The following MITF variants were observed in gnomAD, a reference collection of about 807,000 sequenced individuals.
MITF encodes melanocyte inducing transcription factor, also known as microphthalmia-associated transcription factor.
MITF carries 17 observed loss-of-function variants against 60.5 expected under a neutral mutation model. The observed-to-expected ratio is 0.28, with a 90% CI of 0.19 to 0.42. MITF has a LOEUF of 0.42. MITF is among the 10% of genes least tolerant of loss of function. The pLI, the probability that MITF is intolerant of heterozygous loss-of-function variation, is 1.00. For synonymous variants in MITF, 260 were observed against 248.5 expected, an observed-to-expected ratio of 1.05 and a Z score of -0.43; for missense variants, 622 against 683.5, an observed-to-expected ratio of 0.91 and a Z score of 1.00.
chr3:69,867,688 A>G (rs2064142839), intron 1 of MITF, among the ~76,000 whole-genome samples: 1 of 150,540 alleles, frequency 6.6e-6, no homozygotes, highest in South Asian at 2.1e-4. Flanking sequence ...CTACAAAAAT[A>G]TACTCTAACT....
At chr3:69,934,571 A>G (rs919800023) in intron 2 of MITF, among the ~76,000 whole-genome samples, 3 of 152,182 alleles carry the variant, frequency 2.0e-5, no homozygotes, top group African/African-American at 7.2e-5. Context: ...TTCCCATTCA[A>G]TATGCTAGGA....
intron 1 of MITF, among the ~76,000 whole-genome samples, chr3:69,831,565 C>G (rs2107099589): frequency 6.6e-6 from 1 of 152,272 alleles, no homozygotes; most frequent in Admixed American, 6.5e-5. Flanking sequence ...GATTTCACAA[C>G]AATCTTGATT....
At chr3:69,815,679 A>T (rs557760038) in intron 1 of MITF, among the ~76,000 whole-genome samples, 1 of 152,182 alleles carries the variant, frequency 6.6e-6, no homozygotes, top group African/African-American at 2.4e-5. Context: ...GAGAGTCAAA[A>T]GTTATATGTG....
At chr3:69,849,549 T>C (rs959301308) in intron 1 of MITF, among the ~76,000 whole-genome samples, 6 of 152,366 alleles carry the variant, frequency 3.9e-5, no homozygotes, top group Middle Eastern at 6.8e-3. Flanking sequence ...ACTGTTCTTA[T>C]GCTCATTTTG....
At chr3:69,819,277 C>G (rs971924504) in intron 1 of MITF, among the ~76,000 whole-genome samples, 1 of 152,176 alleles carries the variant, frequency 6.6e-6, no homozygotes, top group Non-Finnish European at 1.5e-5. Flanking sequence ...GCCCCTCTTT[C>G]CAAAGACAGG....
chr3:69,812,385 A>G (rs1447321599), intron 1 of MITF, among the ~76,000 whole-genome samples: 4 of 152,186 alleles, frequency 2.6e-5, no homozygotes, highest in Admixed American at 2.6e-4. Context: ...CCCCTCAGAC[A>G]TTTAGACAAT....
chr3:69,818,026 C>T (rs1242801939), intron 1 of MITF, among the ~76,000 whole-genome samples: 3 of 152,086 alleles, frequency 2.0e-5, no homozygotes, highest in Non-Finnish European at 2.9e-5. Flanking sequence ...ATGGTTTTAT[C>T]AGCGATAAAC....
At chr3:69,932,018 G>C (rs2065735448) in intron 2 of MITF, among the ~76,000 whole-genome samples, 1 of 152,206 alleles carries the variant, frequency 6.6e-6, no homozygotes, top group African/African-American at 2.4e-5. Flanking sequence ...TAAGACAGTA[G>C]TTGGAAAAAC....
chr3:69,952,142 TTCTC>T (rs747463065), intron 7 of MITF, among the ~76,000 whole-genome samples: 1 of 150,882 alleles, frequency 6.6e-6, no homozygotes. Context: ...AGTAGTGGTT[TTCTC>T]TCTCTCTCTC....
intron 2 of MITF, among the ~76,000 whole-genome samples, chr3:69,920,456 C>T (rs959478148): frequency 5.3e-5 from 8 of 152,082 alleles, no homozygotes; most frequent in Non-Finnish European, 8.8e-5. Flanking sequence ...ACTCCTAGTC[C>T]GCCTTCATGT....
At chr3:69,837,004 C>T (rs530135761) in intron 1 of MITF, among the ~76,000 whole-genome samples, 2 of 152,276 alleles carry the variant, frequency 1.3e-5, no homozygotes, top group East Asian at 1.9e-4. Context: ...CATTGACGTC[C>T]CCAATGTGGA....
Position 69,937,921 on chromosome 3 carries a change from G to A in MITF, c.454G>A (p.Ala152Thr), listed in dbSNP as rs2107479094. The change falls in exon 3 of 10, where the codon GCC (alanine) becomes ACC (threonine). Residue 152 changes from alanine (A) to threonine (T), a missense_variant. Transcript: ENST00000352241. The stretch of plus-strand genomic sequence containing the variant: ...TTCTACCACTTTAGCAAATAAACAT[G>A]CCAACCAAGTCCTGAGCTTGCCATG... Reference protein sequence around the residue: ...YLSTTLANKHANQVLSLPCPN... With the variant: ...YLSTTLANKHTNQVLSLPCPN... The A allele has an allele frequency of 6.2e-7, 1 of 1,614,118 alleles. No homozygotes were observed.
chr3:69,755,751 C>G (rs1156270461), intron 1 of MITF, among the ~76,000 whole-genome samples: 1 of 152,116 alleles, frequency 6.6e-6, no homozygotes, highest in Non-Finnish European at 1.5e-5. Flanking sequence ...CATTGACTAA[C>G]TTGGACAACT....
intron 2 of MITF, among the ~76,000 whole-genome samples, chr3:69,901,140 C>T (rs1349207252): frequency 6.6e-6 from 1 of 150,474 alleles, no homozygotes; most frequent in Non-Finnish European, 1.5e-5. Flanking sequence ...AAGCAGTACA[C>T]TCCTAGACCA....
intron 1 of MITF, among the ~76,000 whole-genome samples, chr3:69,828,693 C>G (rs1170092991): frequency 6.6e-6 from 1 of 151,802 alleles, no homozygotes; most frequent in African/African-American, 2.4e-5. Flanking sequence ...AATGTACAAC[C>G]TGTTATAAAA....
intron 2 of MITF, among the ~76,000 whole-genome samples, chr3:69,906,443 G>C (rs2065101636): frequency 6.6e-6 from 1 of 152,046 alleles, no homozygotes; most frequent in African/African-American, 2.4e-5. Context: ...AAATAGTTGT[G>C]TATATGATGT....
rs886058810 is a variant in MITF, at chr3:69,965,653, G to GA, written c.*416dup. On this transcript the variant is annotated 3_prime_UTR_variant, in exon 10 of 10. Transcript: ENST00000352241. ...TGAAAGAATGTAAAGCAACCAAAAA[G>GA]AAAAAAAAAAAGAAAGAAAGAGGAA... 0.02 allele frequency: 3,648 copies of GA among 184,122 alleles called. No individual in the cohort carries two copies. The highest frequency in any genetic ancestry group is 0.032 in the East Asian group (358 of 11,054). The allele number at this position is 184,122 out of a possible 1,614,324, so 11.4% of individuals were successfully genotyped here. A position where few individuals can be genotyped will look rare whatever the true frequency, so the allele number is the denominator to read the frequency against.
In MITF at chr3:69,938,024, C is replaced by G. The variant is rs925747808; in HGVS notation, c.557C>G (p.Thr186Arg). ...SAPNSPMAMLTLNSNCEKEGF... is the reference protein window; with the variant it reads ...SAPNSPMAMLRLNSNCEKEGF... The stretch of plus-strand genomic sequence containing the variant: ...CCCAACAGCCCCATGGCTATGCTTA[C>G]GCTTAACTCCAACTGTGAAAAAGAG... The change falls in exon 3 of 10, where the codon ACG becomes AGG. Residue 186 changes from threonine to arginine, a missense_variant. Around this residue, in one of 5 missense-constraint regions of MITF, gnomAD observed 215 missense variants for 224.8 expected, o/e 0.96. Transcript: ENST00000352241. The G allele has an allele frequency of 6.2e-7, 1 of 1,614,182 alleles. No individual in the cohort carries two copies.
chr3:69,961,973 T>A (rs544044901), intron 9 of MITF, among the ~76,000 whole-genome samples: 2 of 152,190 alleles, frequency 1.3e-5, no homozygotes, highest in African/African-American at 4.8e-5. Context: ...CAGAAAACAT[T>A]ATTAATTAGG....
Sources: allele counts gnomAD v4.1 joint callset (sites outside exome capture counted in the v4.1 genomes callset), GRCh38; gene constraint gnomAD v4.1.1; regional missense constraint gnomAD v4.1.1; transcripts MANE v1.5; gene names NCBI Gene and HGNC (gene_info 2026-07-23, HGNC 2026-07-21).